MTUS2: variants seen among roughly 807,000 people sequenced by gnomAD.
MTUS2 encodes microtubule associated scaffold protein 2, also known as microtubule-associated tumor suppressor candidate 2.
A neutral mutation model predicts 114.1 loss-of-function variants in MTUS2; 40 were observed. That is an observed-to-expected ratio of 0.35 (90% CI 0.27 to 0.46). The LOEUF (loss-of-function observed/expected upper bound fraction) is 0.46, where lower values mean the gene tolerates loss of function less well. MTUS2 is among the 20% of genes least tolerant of loss of function. MTUS2 has a pLI of 1.00. For synonymous variants in MTUS2, 688 were observed against 672.0 expected (o/e 1.02, Z -0.37); for missense variants, 1,679 against 1,705.4 (o/e 0.98, Z 0.27).
Position 29,203,117 on chromosome 13 carries a change from C to T in MTUS2, c.2645-78587C>T, listed in dbSNP as rs563824191. Among the ~76,000 whole-genome samples the T allele has an allele frequency of 6.4e-4, 97 of 152,334 alleles. 1 individual carries two copies. The South Asian group carries it at 0.019, about 30-fold the overall frequency. On this transcript the variant is annotated intron_variant, in intron 5 of 15. Transcript: ENST00000612955. ...CTACTGAAGCTGCACCCACAGCTGCCCCTTTCCGCAGATGCTCTGTCTCAG... is the reference window on the plus strand; with the variant it reads ...CTACTGAAGCTGCACCCACAGCTGCTCCTTTCCGCAGATGCTCTGTCTCAG...
At chr13:29,218,030 T>C (rs2139309428) in intron 5 of MTUS2, among the ~76,000 whole-genome samples, 1 of 152,204 alleles carries the variant, frequency 6.6e-6, no homozygotes, top group East Asian at 1.9e-4. Context: ...GGCAGGAGTA[T>C]TCCTTGAGTC....
At chr13:29,292,044 T>C (rs1566113233) in intron 6 of MTUS2, among the ~76,000 whole-genome samples, 1 of 152,212 alleles carries the variant, frequency 6.6e-6, no homozygotes, top group Non-Finnish European at 1.5e-5. Flanking sequence ...TGTTCTGTTA[T>C]CAAGCCAATT....
At chr13:29,142,433 G>A (rs1296620483) in intron 5 of MTUS2, among the ~76,000 whole-genome samples, 2 of 152,178 alleles carry the variant, frequency 1.3e-5, no homozygotes, top group Non-Finnish European at 2.9e-5. Flanking sequence ...ACTGGGCGTG[G>A]TGGCTCACGC....
chr13:29,412,786 G>A lies in MTUS2; in HGVS notation c.3118-27197G>A, dbSNP rs114353231. Among the ~76,000 whole-genome samples, 729 of 152,194 alleles carry A rather than the reference G, an allele frequency of 4.8e-3. 6 individuals are homozygous for A. The highest frequency in any genetic ancestry group is 0.017 in the African/African-American group (693 of 41,522). ...TTGTGACTGTAGTTCTGGCTACTCC[G>A]GAGGCTGAGGCAGGAGGATTGCTTG... is the stretch of plus-strand genomic sequence containing the variant. On this transcript the variant is annotated intron_variant, in intron 8 of 15. Transcript: ENST00000612955.
chr13:29,270,076 G>A (rs897550994), intron 5 of MTUS2, among the ~76,000 whole-genome samples: 25 of 152,098 alleles, frequency 1.6e-4, no homozygotes, highest in African/African-American at 4.6e-4. Context: ...GGGTGCTGCC[G>A]TTCGTTGGGT....
At chr13:29,163,942 C>T (rs1218264272) in intron 5 of MTUS2, among the ~76,000 whole-genome samples, 1 of 152,152 alleles carries the variant, frequency 6.6e-6, no homozygotes, top group East Asian at 1.9e-4. Context: ...CTTGACCTTG[C>T]TTGCCCACAG....
At chr13:29,280,118 G>T (rs1898212272) in intron 5 of MTUS2, among the ~76,000 whole-genome samples, 1 of 152,152 alleles carries the variant, frequency 6.6e-6, no homozygotes. Context: ...CACTGGACTG[G>T]TGCATCCACT....
intron 5 of MTUS2, among the ~76,000 whole-genome samples, chr13:29,193,413 A>T (rs1184307019): frequency 6.6e-6 from 1 of 152,162 alleles, no homozygotes; most frequent in Admixed American, 6.5e-5. Flanking sequence ...AGGATACAAA[A>T]TCAATGTACA....
intron 2 of MTUS2, 31 bp from the exon 3 acceptor site, chr13:29,024,426 C>T (rs1460020067): frequency 2.6e-6 from 1 of 380,636 alleles, no homozygotes; most frequent in Non-Finnish European, 4.6e-6. Context: ...ATTTGTCAAT[C>T]TAATGTGAAT....
At chr13:29,026,930 C>T (rs1293730909) in intron 3 of MTUS2, 27 bp downstream of exon 3, 2 of 1,534,216 alleles carry the variant, frequency 1.3e-6, no homozygotes, top group Non-Finnish European at 1.7e-6. Flanking sequence ...ATGATATGGT[C>T]TATAAGTTGA....
In MTUS2 at chr13:29,428,924, C is replaced by T. The variant is rs776887225; in HGVS notation, c.3118-11059C>T. 4.4e-6 allele frequency: 7 copies of T among 1,608,554 alleles called. No individual in the cohort carries two copies. The South Asian group carries it at 7.7e-5, about 18-fold the overall frequency. On this transcript the variant is annotated intron_variant, in intron 8 of 15. Transcript: ENST00000612955. ...ACTTTGCCTTCCCTCTCTCTTCTTC[C>T]CCCTCCTCCTTTGCAAGGGCAGAGA... is the stretch of plus-strand genomic sequence containing the variant.
intron 2 of MTUS2, among the ~76,000 whole-genome samples, chr13:28,903,470 G>A (rs112408851): frequency 0.033 from 4,421 of 135,802 alleles, 210 homozygotes; most frequent in African/African-American, 0.11. Context: ...GTGTCCATGT[G>A]TTCTCATTGT....
At chr13:29,092,742 ATGGAGGTCTCTGGC>A (rs143684814) in intron 4 of MTUS2, among the ~76,000 whole-genome samples, 1 of 146,798 alleles carries the variant, frequency 6.8e-6, no homozygotes, top group Non-Finnish European at 1.5e-5. Flanking sequence ...GTCATTGGCC[ATGGAGGTCTCTGGC>A]TGGCAAAGTG....
chr13:28,941,291 A>G (rs1460593928), intron 2 of MTUS2, among the ~76,000 whole-genome samples: 1 of 152,076 alleles, frequency 6.6e-6, no homozygotes, highest in Non-Finnish European at 1.5e-5. Context: ...CTGTATTTAC[A>G]TATATTCTGC....
intron 4 of MTUS2, among the ~76,000 whole-genome samples, chr13:29,040,339 G>T (rs138389375): frequency 6.6e-6 from 1 of 152,102 alleles, no homozygotes; most frequent in Non-Finnish European, 1.5e-5. Flanking sequence ...TAGTACATTT[G>T]TACCACATTG....
chr13:29,238,901 A>C (rs1353313224), intron 5 of MTUS2, among the ~76,000 whole-genome samples: 1 of 152,210 alleles, frequency 6.6e-6, no homozygotes, highest in Non-Finnish European at 1.5e-5. Flanking sequence ...AAATCCATCA[A>C]AGTCAAACTC....
chr13:29,002,397 T>C (rs952692193), intron 2 of MTUS2, among the ~76,000 whole-genome samples: 5 of 152,218 alleles, frequency 3.3e-5, no homozygotes, highest in Non-Finnish European at 7.3e-5. Flanking sequence ...ATACCACAAT[T>C]GATACACTAT....
intron 5 of MTUS2, among the ~76,000 whole-genome samples, chr13:29,175,392 C>T (rs1360040419): frequency 6.6e-6 from 1 of 152,200 alleles, no homozygotes; most frequent in Admixed American, 6.5e-5. Context: ...TCATTTCCAT[C>T]TGAAGCGTTC....
At chr13:29,126,271 A>G (rs775805827) in intron 5 of MTUS2, among the ~76,000 whole-genome samples, 4 of 152,146 alleles carry the variant, frequency 2.6e-5, no homozygotes, top group Non-Finnish European at 5.9e-5. Context: ...CCATGTGAAG[A>G]GTTCATACGT....
Sources: gnomAD v4.1 joint callset for allele counts (sites outside exome capture counted in the v4.1 genomes callset) on GRCh38, gnomAD v4.1.1 for gene constraint, MANE v1.5 for transcripts, NCBI Gene and HGNC (gene_info 2026-07-23, HGNC 2026-07-21) for gene names.